Variants in USP33 observed in about 807,000 individuals in gnomAD.
USP33 encodes the protein ubiquitin specific peptidase 33, also known as ubiquitin carboxyl-terminal hydrolase 33.
A neutral mutation model predicts 124.2 loss-of-function variants in USP33; 46 were observed. The ratio of observed to expected loss-of-function variants is 0.37; its 90% CI spans 0.29 to 0.47. The LOEUF (loss-of-function observed/expected upper bound fraction) is 0.47. Among genes scored for constraint, USP33 ranks in the 20% least tolerant of loss-of-function variants. The pLI is 0.99. For synonymous variants in USP33, 350 were observed against 352.3 expected (o/e 0.99, Z 0.07); for missense variants, 851 against 1,070.6 (o/e 0.79, Z 2.86).
chr1:77,742,848 T>C (rs1172321066), intron 1 of USP33, among the ~76,000 whole-genome samples: 2 of 152,184 alleles, frequency 1.3e-5, no homozygotes, highest in Admixed American at 1.3e-4. Context: ...GTCTATGTAA[T>C]AGTTTATAAC....
chr1:77,744,357 C>T (rs1679500517), intron 1 of USP33, among the ~76,000 whole-genome samples: 1 of 151,928 alleles, frequency 6.6e-6, no homozygotes, highest in African/African-American at 2.4e-5. Flanking sequence ...GATGACAGAA[C>T]AAAGATAGAC....
At chr1:77,735,753 C>T (rs1375830353) in intron 6 of USP33, among the ~76,000 whole-genome samples, 1 of 152,164 alleles carries the variant, frequency 6.6e-6, no homozygotes, top group Non-Finnish European at 1.5e-5. Context: ...CCTAATACCT[C>T]CCCATCACTG....
rs570403981 is a variant in USP33 at position 77,724,545 on chromosome 1, A to G, written c.1276+1077T>C. On this transcript the variant is annotated intron_variant, in intron 11 of 23. Coordinates refer to ENST00000370794, the MANE Select transcript of USP33 (RefSeq NM_201624.3). Reference sequence around the variant, plus strand: ...CTGGAAGGAATACTAAATGGTAGACACTCTGGTAAAAAGTCTGGCAGTTTA... The same window carrying G: ...CTGGAAGGAATACTAAATGGTAGACGCTCTGGTAAAAAGTCTGGCAGTTTA... 2.9e-4 allele frequency among the ~76,000 whole-genome samples: 44 copies of G among 152,318 alleles called. No homozygotes were observed. In the South Asian group the frequency reaches 8.5e-3, roughly 29 times the overall value.
At chr1:77,704,908 G>A (rs1465284507) in intron 21 of USP33, among the ~76,000 whole-genome samples, 1 of 152,104 alleles carries the variant, frequency 6.6e-6, no homozygotes, top group African/African-American at 2.4e-5. Flanking sequence ...CTGGTACAGT[G>A]CAACAGGCAG....
At chr1:77,741,868 AATGAT>A in intron 1 of USP33, 120 bp from the exon 2 acceptor site, 2 of 991,524 alleles carry the variant, frequency 2.0e-6, no homozygotes, top group Non-Finnish European at 2.8e-6. Flanking sequence ...ATAACATAAG[AATGAT>A]ATAAGTTTGC....
At position 77,728,384 on chromosome 1, in the gene USP33, T is replaced by A. The variant is rs773828602; in HGVS notation, c.1046A>T (p.Glu349Val). 12 of 1,613,890 alleles carry A rather than the reference T, an allele frequency of 7.4e-6. No homozygotes were observed. Among genetic ancestry groups the A allele is most frequent in the Non-Finnish European group, 8.5e-7 (1 of 1,179,994 alleles). Residue 349 changes from glutamate (E) to valine (V), a missense_variant, in exon 10 of 24, where the codon GAA (glutamate) becomes GTA (valine). Transcript: ENST00000370794. ...NKINKVNSEG[E>V]FDKDRDSISE... ...TATAGAGTCTCTATCTTTATCAAAT[T>A]CGCCTTCAGAATTTACTTTATTAAT... is the stretch of plus-strand genomic sequence containing the variant.
intron 6 of USP33, among the ~76,000 whole-genome samples, chr1:77,734,926 A>G (rs998333155): frequency 2.0e-5 from 3 of 152,124 alleles, no homozygotes; most frequent in Non-Finnish European, 4.4e-5. Flanking sequence ...GATCGAGACC[A>G]TCCTGGCTAA....
In USP33 at chr1:77,730,661, T is replaced by C. The variant is rs1320706543; in HGVS notation, c.595A>G (p.Lys199Glu). The part of the protein sequence containing the change: ...ARTDKKPAIC[K>E]SYLKLMTELW... ...TCTGTCATTAGTTTGAGATAACTTTTACAAATGGCAGGTTTCTTATCTGTT... is the reference window on the plus strand; with the variant it reads ...TCTGTCATTAGTTTGAGATAACTTTCACAAATGGCAGGTTTCTTATCTGTT... Residue 199 changes from lysine to glutamate, a missense_variant, in exon 8 of 24, where the codon AAA becomes GAA. Lys to Glu is a moderately conservative substitution (Grantham distance 56). Coordinates refer to ENST00000370794, the MANE Select transcript of USP33 (RefSeq NM_201624.3). 1.3e-6 allele frequency: 2 copies of C among 1,598,412 alleles called. No individual in the cohort carries two copies. The highest frequency in any genetic ancestry group is 1.1e-5 in the South Asian group (1 of 88,346).
intron 1 of USP33, among the ~76,000 whole-genome samples, chr1:77,751,109 C>T (rs544961012): frequency 1.2e-4 from 19 of 152,338 alleles, no homozygotes; most frequent in African/African-American, 4.1e-4. Flanking sequence ...CCTGTAGAAG[C>T]TTGTGACTTA....
Position 77,723,318 on chromosome 1 carries a change from C to A in USP33, c.1389+13G>T, listed in dbSNP as rs1211720714. 5 of 1,554,182 alleles carry A rather than the reference C, an allele frequency of 3.2e-6. No homozygotes were observed. The Admixed American group carries it at 8.5e-5, about 26-fold the overall frequency. On this transcript the variant is annotated intron_variant, in intron 12 of 23. Transcript: ENST00000370794. Reference sequence around the variant, plus strand: ...CACGAATTTTCTGTGTATTCTAATACCCTCATACTCACCCTGTCACAAGTC... The same window carrying A: ...CACGAATTTTCTGTGTATTCTAATAACCTCATACTCACCCTGTCACAAGTC...
chr1:77,733,638 G>A (rs1340722738), intron 7 of USP33, among the ~76,000 whole-genome samples: 3 of 152,062 alleles, frequency 2.0e-5, no homozygotes, highest in African/African-American at 7.2e-5. Context: ...ATGCCAACAC[G>A]ATATCCAAAG....
At position 77,699,121 on chromosome 1, in the gene USP33, CA is replaced by C. The variant is rs954184463; in HGVS notation, c.2510-1191del. Among the ~76,000 whole-genome samples the C allele has an allele frequency of 2.6e-5, 4 of 151,264 alleles. No individual in the cohort carries two copies. The South Asian group carries it at 8.4e-4, about 32-fold the overall frequency. On this transcript the variant is annotated intron_variant, in intron 22 of 23. Transcript: ENST00000370794. ...TCTCAAAAGAAGACATTTATGTGGC[CA>C]AAAAAACATGAAAAAAAGATCAACA...
At chr1:77,699,208 A>G (rs1673739472) in intron 22 of USP33, among the ~76,000 whole-genome samples, 1 of 152,200 alleles carries the variant, frequency 6.6e-6, no homozygotes, top group African/African-American at 2.4e-5. Flanking sequence ...CACATCAGTC[A>G]GAATGCCAGT....
At chr1:77,744,306 C>T (rs969819108) in intron 1 of USP33, among the ~76,000 whole-genome samples, 2 of 151,916 alleles carry the variant, frequency 1.3e-5, no homozygotes, top group African/African-American at 4.8e-5. Context: ...GAAATTCTGA[C>T]CCACAGTGAA....
chr1:77,717,318 T>A (rs1285336092), intron 17 of USP33, among the ~76,000 whole-genome samples: 2 of 151,778 alleles, frequency 1.3e-5, no homozygotes, highest in Non-Finnish European at 2.9e-5. Context: ...TGAAACCCCG[T>A]CTCCACTAAA....
intron 1 of USP33, among the ~76,000 whole-genome samples, chr1:77,749,805 C>T (rs539100316): frequency 1.8e-4 from 28 of 152,302 alleles, no homozygotes; most frequent in African/African-American, 6.5e-4. Flanking sequence ...AGATGTTCTT[C>T]TCACTGCTTT....
At chr1:77,748,884 A>G (rs1680025253) in intron 1 of USP33, among the ~76,000 whole-genome samples, 1 of 147,718 alleles carries the variant, frequency 6.8e-6, no homozygotes, top group African/African-American at 2.5e-5. Context: ...TCATCATGGA[A>G]AAGAGAGTTC....
intron 21 of USP33, among the ~76,000 whole-genome samples, chr1:77,702,835 T>A (rs559070667): frequency 6.6e-6 from 1 of 151,780 alleles, no homozygotes; most frequent in African/African-American, 2.4e-5. Flanking sequence ...AAAACTGATA[T>A]AGAAAGAGAA....
chr1:77,752,390 C>A (rs538881709), intron 1 of USP33, among the ~76,000 whole-genome samples: 14 of 152,190 alleles, frequency 9.2e-5, no homozygotes, highest in Admixed American at 3.3e-4. Context: ...CCACCCACCT[C>A]GGCCTCCCAA....
Sources: allele counts gnomAD v4.1 joint callset (sites outside exome capture counted in the v4.1 genomes callset), GRCh38; gene constraint gnomAD v4.1.1; transcripts MANE v1.5; gene names NCBI Gene and HGNC (gene_info 2026-07-23, HGNC 2026-07-21).